The following PPARGC1B variants were observed in gnomAD, a reference collection of about 807,000 sequenced individuals.
PPARGC1B encodes the protein peroxisome proliferator-activated receptor gamma coactivator 1-beta.
Under a neutral mutation model 101.6 loss-of-function variants are expected in PPARGC1B, and 34 were observed. That is an observed-to-expected ratio of 0.33 (90% CI 0.25 to 0.45). The LOEUF is 0.45. PPARGC1B is among the 20% of genes least tolerant of loss of function. The pLI, the probability that PPARGC1B is intolerant of heterozygous loss-of-function variation, is 1.00. For missense variants in PPARGC1B, 1,234 were observed against 1,317.6 expected (o/e 0.94, Z 0.98); for synonymous variants, 548 against 539.3 (o/e 1.02, Z -0.22).
At chr5:149,738,884 C>T (rs1360279667) in intron 1 of PPARGC1B, among the ~76,000 whole-genome samples, 4 of 152,232 alleles carry the variant, frequency 2.6e-5, no homozygotes, top group South Asian at 2.1e-4. Context: ...CATGAACCAC[C>T]GCGTCCAGCC....
Position 149,836,919 on chromosome 5 carries a change from G to T in PPARGC1B, c.2464G>T (p.Glu822Ter). ...GGAGGAGGAGGAGGAGGACGATGAAGAAGAGGACTCAGGGGTCAGCCCCAC... is the reference window on the plus strand; with the variant it reads ...GGAGGAGGAGGAGGAGGACGATGAATAAGAGGACTCAGGGGTCAGCCCCAC... ...EGEEEEEDDE[E>*]EDSGVSPTCS... The change falls in exon 8 of 12, where the codon GAA (glutamate) becomes TAA (stop). Residue 822 changes from glutamate (E) to a stop codon, truncating the protein, a stop_gained. Transcript: ENST00000309241. LOFTEE classifies it high-confidence loss of function. 1 of 1,613,824 alleles carries T rather than the reference G, an allele frequency of 6.2e-7. No individual in the cohort carries two copies.
Position 149,853,295 on chromosome 5 carries a change from G to A in PPARGC1B, c.*5737G>A, listed in dbSNP as rs1056273733. On this transcript the variant is annotated 3_prime_UTR_variant, in exon 12 of 12. Transcript: ENST00000309241. The surrounding 1 kb of genome is among the most constrained non-coding windows in gnomAD (Gnocchi z 4.2). ...GCTGTCCATCGTGAACTTTGGGAAT[G>A]AAATATAATGGCCTGAACGAACTGC... 6 of 152,236 alleles carry A rather than the reference G, an allele frequency of 3.9e-5. No homozygotes were observed. The highest frequency in any genetic ancestry group is 1.4e-4 in the African/African-American group (6 of 41,454). 9.4% of individuals were successfully genotyped at this position (152,236 alleles called of 1,614,324 possible). A position where few individuals can be genotyped will look rare whatever the true frequency, so the allele number is the denominator to read the frequency against.
Position 149,847,483 on chromosome 5 carries a change from T to C in PPARGC1B, c.2997T>C (p.Pro999=). Residue 999 remains proline (P), a synonymous_variant, in exon 12 of 12, where the codon CCT becomes CCC. Coordinates refer to ENST00000309241, the MANE Select transcript of PPARGC1B (RefSeq NM_133263.4). The stretch of plus-strand genomic sequence containing the variant: ...ATTCCAATTCAGAAGAGGCCCTTCC[T>C]GCGTCAGGGAAAAGCAAGTATGAAG... ...DYDSNSEEAL[P]ASGKSKYEAM... is the part of the protein sequence containing the mutation. The C allele has an allele frequency of 3.7e-6, 6 of 1,614,018 alleles. No homozygotes were observed. Among genetic ancestry groups the C allele is most frequent in the Non-Finnish European group, 5.1e-6 (6 of 1,179,920 alleles).
At position 149,853,537 on chromosome 5, in the gene PPARGC1B, G is replaced by A. The variant is rs1759844220; in HGVS notation, c.*5979G>A. ...CTTGTTAAGTAAACCTTTGCTGGGT[G>A]GTCCGAATTCTGCCCTCAAGGCAAG... On this transcript the variant is annotated 3_prime_UTR_variant, in exon 12 of 12. Transcript: ENST00000309241. This position sits in a 1 kb window ranked among gnomAD's most constrained non-coding sequence, Gnocchi z 4.2. 6.6e-6 allele frequency: 1 copy of A among 152,228 alleles called. No individual in the cohort carries two copies. Among genetic ancestry groups the A allele is most frequent in the Admixed American group, 6.5e-5 (1 of 15,286 alleles). The allele number at this position is 152,228 out of a possible 1,614,324, so 9.4% of individuals were successfully genotyped here.
At position 149,847,891 on chromosome 5, in the gene PPARGC1B, C is replaced by A. The variant is rs887457018; in HGVS notation, c.*333C>A. 5.9e-6 allele frequency: 2 copies of A among 337,468 alleles called. No individual in the cohort carries two copies. The highest frequency in any genetic ancestry group is 1.1e-5 in the Non-Finnish European group (2 of 183,580). 20.9% of individuals were successfully genotyped at this position (337,468 alleles called of 1,614,324 possible). On this transcript the variant is annotated 3_prime_UTR_variant, in exon 12 of 12. Coordinates refer to ENST00000309241, the MANE Select transcript of PPARGC1B (RefSeq NM_133263.4). ...CGACTGACTTCCTCTCGTAGACTTGCAGCTGTGTTCACCATAACATTTCTT... is the reference window on the plus strand; with the variant it reads ...CGACTGACTTCCTCTCGTAGACTTGAAGCTGTGTTCACCATAACATTTCTT...
chr5:149,753,398 G>A (rs1380644608), intron 1 of PPARGC1B, among the ~76,000 whole-genome samples: 1 of 152,046 alleles, frequency 6.6e-6, no homozygotes, highest in Admixed American at 6.6e-5. Context: ...GGTAGAGGCA[G>A]GGTTTCACCA....
chr5:149,746,955 T>C (rs1235710851), intron 1 of PPARGC1B, among the ~76,000 whole-genome samples: 1 of 152,246 alleles, frequency 6.6e-6, no homozygotes, highest in African/African-American at 2.4e-5. Context: ...TTGTTTGTTT[T>C]TTGTTGTTGT....
intron 1 of PPARGC1B, among the ~76,000 whole-genome samples, chr5:149,814,891 G>A (rs1254705223): frequency 1.3e-5 from 2 of 152,218 alleles, no homozygotes; most frequent in African/African-American, 2.4e-5. Context: ...GGGTGAGCAG[G>A]CACGTTGAGG....
chr5:149,846,970 A>C, intron 11 of PPARGC1B: 1 of 208,860 alleles, frequency 4.8e-6, no homozygotes, highest in Non-Finnish European at 9.9e-6. Context: ...CTGTAGTCCC[A>C]GCAACTTGGG....
At chr5:149,809,167 ATCTC>A (rs1561566915) in intron 1 of PPARGC1B, among the ~76,000 whole-genome samples, 1 of 120,278 alleles carries the variant, frequency 8.3e-6, no homozygotes, top group East Asian at 2.5e-4. Context: ...AGATAGATCC[ATCTC>A]TACCATAGAT....
rs149898525 is a variant in PPARGC1B, at chr5:149,837,811, C to G, written c.2618+738C>G. Among the ~76,000 whole-genome samples, 985 of 152,318 alleles carry G rather than the reference C, an allele frequency of 6.5e-3. 13 individuals are homozygous for G. The highest frequency in any genetic ancestry group is 0.022 in the African/African-American group (928 of 41,568). On this transcript the variant is annotated intron_variant, in intron 8 of 11. Transcript: ENST00000309241. This position sits in a 1 kb window ranked among gnomAD's most constrained non-coding sequence, Gnocchi z 4.2. ...ATTCTCCCTGGGGAAGGCTTGAGGA[C>G]AGTCAGTGTCATCATCCCCAGCCCT...
chr5:149,827,347 A>G (rs1480934863), intron 3 of PPARGC1B, among the ~76,000 whole-genome samples: 1 of 152,200 alleles, frequency 6.6e-6, no homozygotes, highest in Non-Finnish European at 1.5e-5. Flanking sequence ...AGATTTTACT[A>G]CAAAAGGGAG....
chr5:149,772,049 G>T, intron 1 of PPARGC1B: 1 of 1,533,472 alleles, frequency 6.5e-7, no homozygotes, highest in Non-Finnish European at 8.8e-7. Flanking sequence ...GACGTGCCAG[G>T]CTGTGCACAG....
intron 9 of PPARGC1B, 116 bp downstream of exon 9, chr5:149,840,232 T>G (rs1759279070): frequency 1.1e-6 from 1 of 897,240 alleles, no homozygotes. Context: ...GTCTTCGGCC[T>G]CTGCCTGGGG....
In PPARGC1B at chr5:149,833,550, G is replaced by T; in HGVS notation, c.1477G>T (p.Ala493Ser). 1 of 1,583,742 alleles carries T rather than the reference G, an allele frequency of 6.3e-7. No homozygotes were observed. Among genetic ancestry groups the T allele is most frequent in the Admixed American group, 1.8e-5 (1 of 55,564 alleles). Residue 493 changes from alanine (A) to serine (S), a missense_variant, in exon 5 of 12, where the codon GCA (alanine) becomes TCA (serine). Transcript: ENST00000309241. This position sits in a 1 kb window ranked among gnomAD's most constrained non-coding sequence, Gnocchi z 4.1. The stretch of plus-strand genomic sequence containing the variant: ...TGAGCTGGGCCCCTGGCTGACATTT[G>T]CAGATGAGCCGCTGGTCCCCTCGGA... ...NPELGPWLTFADEPLVPSEPQ... is the reference protein window; with the variant it reads ...NPELGPWLTFSDEPLVPSEPQ...
intron 1 of PPARGC1B, among the ~76,000 whole-genome samples, chr5:149,810,749 G>A (rs2113325169): frequency 6.6e-6 from 1 of 152,334 alleles, no homozygotes; most frequent in African/African-American, 2.4e-5. Flanking sequence ...GGAGATCCCG[G>A]TTTGTGTTCC....
At chr5:149,777,824 C>G (rs1225562220) in intron 1 of PPARGC1B, among the ~76,000 whole-genome samples, 4 of 110,590 alleles carry the variant, frequency 3.6e-5, no homozygotes, top group Admixed American at 9.0e-5. Context: ...CACACACACA[C>G]ACAGTATCCG....
rs930315271 is a variant in PPARGC1B at position 149,852,017 on chromosome 5, G to C, written c.*4459G>C. On this transcript the variant is annotated 3_prime_UTR_variant, in exon 12 of 12. Coordinates refer to ENST00000309241, the MANE Select transcript of PPARGC1B (RefSeq NM_133263.4). The stretch of plus-strand genomic sequence containing the variant: ...GACTGGGACAGGGAGTTTGGGAATG[G>C]GGCTGCTGTCAGGTAGGAGAGAGCA... 1.3e-5 allele frequency: 2 copies of C among 152,278 alleles called. No individual in the cohort carries two copies. The highest frequency in any genetic ancestry group is 2.4e-5 in the African/African-American group (1 of 41,446). The allele number at this position is 152,278 out of a possible 1,614,324, so 9.4% of individuals were successfully genotyped here.
At chr5:149,748,784 G>A (rs1755181645) in intron 1 of PPARGC1B, among the ~76,000 whole-genome samples, 1 of 152,186 alleles carries the variant, frequency 6.6e-6, no homozygotes, top group South Asian at 2.1e-4. Flanking sequence ...ACTCCCCATG[G>A]GGGTGAGGAA....
Sources: allele counts gnomAD v4.1 joint callset (sites outside exome capture counted in the v4.1 genomes callset), GRCh38; gene constraint gnomAD v4.1.1; non-coding constraint Gnocchi (gnomAD v3.1); transcripts MANE v1.5; gene names NCBI Gene and HGNC (gene_info 2026-07-23, HGNC 2026-07-21).